UNC80: variants seen among roughly 807,000 people sequenced by gnomAD.
UNC80 encodes unc-80 subunit of NALCN channel complex, also known as protein unc-80 homolog.
UNC80 carries 164 observed loss-of-function variants against 384.6 expected under a neutral mutation model. The ratio of observed to expected loss-of-function variants is 0.43; its 90% CI spans 0.38 to 0.49. The LOEUF is 0.49. Among genes scored for constraint, UNC80 ranks in the 20% least tolerant of loss-of-function variants. The probability of loss-of-function intolerance (pLI) is 0.00; values close to 1 mark genes in which losing one functional copy is unlikely to be tolerated. For synonymous variants in UNC80, 1,486 were observed against 1,527.8 expected (o/e 0.97, Z 0.64); for missense variants, 3,330 against 4,143.0 (o/e 0.80, Z 5.39).
intron 17 of UNC80, 146 bp downstream of exon 17, chr2:209,834,314 G>A: frequency 4.9e-6 from 4 of 822,598 alleles, no homozygotes; most frequent in Non-Finnish European, 1.9e-6. Context: ...CTGGTGTGGT[G>A]TAGCTGCAGC....
rs773131811 is a variant in UNC80 at position 209,995,616 on chromosome 2, G to T, written c.*21G>T. The T allele has an allele frequency of 6.5e-7, 1 of 1,550,186 alleles. No homozygotes were observed. The highest frequency in any genetic ancestry group is 1.2e-5 in the South Asian group (1 of 83,810). On this transcript the variant is annotated 3_prime_UTR_variant, in exon 65 of 65. Coordinates refer to ENST00000673920, the MANE Select transcript of UNC80 (RefSeq NM_001371986.1). ...TTTAATTCTGTATCTTGTAAGCTCT[G>T]CAGGTATAGAGAAGACATGAAAGTG...
At chr2:209,940,635 G>A (rs540605651) in intron 43 of UNC80, among the ~76,000 whole-genome samples, 65 of 152,148 alleles carry the variant, frequency 4.3e-4, no homozygotes, top group African/African-American at 1.5e-3. Context: ...CCAACATGGC[G>A]AAACCCTGTC....
At chr2:209,943,779 T>G (rs1015553711) in intron 45 of UNC80, among the ~76,000 whole-genome samples, 2 of 152,182 alleles carry the variant, frequency 1.3e-5, no homozygotes, top group Admixed American at 6.5e-5. Flanking sequence ...TAGGGGTGTA[T>G]ATTGGGCTTT....
At position 209,948,374 on chromosome 2, in the gene UNC80, T is replaced by C. The variant is rs115002385; in HGVS notation, c.7286+2431T>C. Among the ~76,000 whole-genome samples, 715 of 152,266 alleles carry C rather than the reference T, an allele frequency of 4.7e-3. 7 individuals are homozygous for C. The highest frequency in any genetic ancestry group is 0.016 in the African/African-American group (684 of 41,562). ...TTTTTATTTTAGCTATTTTGTTGGG[T>C]TGTAGTGACATCCATTATCATTTTA... is the stretch of plus-strand genomic sequence containing the variant. On this transcript the variant is annotated intron_variant, in intron 47 of 64. Coordinates refer to ENST00000673920, the MANE Select transcript of UNC80 (RefSeq NM_001371986.1).
chr2:209,994,308 T>G, intron 64 of UNC80, 44 bp downstream of exon 64: 1 of 1,490,490 alleles, frequency 6.7e-7, no homozygotes, highest in East Asian at 2.5e-5. Context: ...CCCTGTGTAC[T>G]TACTTCTAGC....
At chr2:209,880,335 G>A (rs1176476296) in intron 24 of UNC80, among the ~76,000 whole-genome samples, 2 of 152,206 alleles carry the variant, frequency 1.3e-5, no homozygotes, top group East Asian at 3.8e-4. Flanking sequence ...TACATTTCTA[G>A]TATAGCTATG....
chr2:209,811,567 C>T (rs373558504), intron 7 of UNC80, among the ~76,000 whole-genome samples: 12 of 152,228 alleles, frequency 7.9e-5, no homozygotes, highest in Non-Finnish European at 1.2e-4. Context: ...TGTCACAAAA[C>T]GGATGTCCAA....
At chr2:209,866,490 C>CACACACA (rs1559226593) in intron 22 of UNC80, among the ~76,000 whole-genome samples, 50 of 107,600 alleles carry the variant, frequency 4.6e-4, no homozygotes, top group East Asian at 1.2e-3. Flanking sequence ...AAATGCACCC[C>CACACACA]CACACACACA....
At chr2:209,993,956 T>C in intron 63 of UNC80, 109 bp from the exon 64 acceptor site, 1 of 989,836 alleles carries the variant, frequency 1.0e-6, no homozygotes, top group Non-Finnish European at 1.4e-6. Context: ...CCAGCAATGT[T>C]TTTATTTTAA....
At chr2:209,847,961 T>TTAA (rs2082277842) in intron 21 of UNC80, among the ~76,000 whole-genome samples, 1 of 151,936 alleles carries the variant, frequency 6.6e-6, no homozygotes, top group South Asian at 2.1e-4. Flanking sequence ...TAATTCAAAG[T>TTAA]TTAAGGGACT....
At chr2:209,813,931 C>CT (rs1285384830) in intron 8 of UNC80, 90 bp downstream of exon 8, 6 of 1,443,324 alleles carry the variant, frequency 4.2e-6, no homozygotes. Context: ...CTTAGGTACT[C>CT]TAGTGCTGAC....
At chr2:209,901,742 C>A (rs548493967) in intron 28 of UNC80, among the ~76,000 whole-genome samples, 3 of 151,914 alleles carry the variant, frequency 2.0e-5, no homozygotes, top group Non-Finnish European at 4.4e-5. Context: ...CTGGCTAACA[C>A]GGTGAAACCC....
intron 21 of UNC80, among the ~76,000 whole-genome samples, chr2:209,843,846 A>G (rs893652958): frequency 5.3e-5 from 8 of 152,190 alleles, no homozygotes; most frequent in Admixed American, 1.3e-4. Flanking sequence ...GAACTTTCCC[A>G]TATCACTACA....
rs2081610338 is a variant in UNC80 at position 209,839,868 on chromosome 2, G to A, written c.3250+438G>A. Among the ~76,000 whole-genome samples, 1 of 152,174 alleles carries A rather than the reference G, an allele frequency of 6.6e-6. No homozygotes were observed. The highest frequency in any genetic ancestry group is 1.5e-5 in the Non-Finnish European group (1 of 68,036). On this transcript the variant is annotated intron_variant, in intron 19 of 64. Transcript: ENST00000673920. The surrounding 1 kb of genome is among the most constrained non-coding windows in gnomAD (Gnocchi z 4.1). Reference sequence around the variant, plus strand: ...CAGGGAAGGCTTCCTAGTGGTAGTGGCATTAAGATCTCCGGGATACTTGGG... The same window carrying A: ...CAGGGAAGGCTTCCTAGTGGTAGTGACATTAAGATCTCCGGGATACTTGGG...
rs1419380734 is a variant in UNC80, at chr2:209,996,904, GTGTGTA to G, written c.*1315_*1320del. 6.6e-6 allele frequency: 1 copy of G among 152,142 alleles called. No individual in the cohort carries two copies. The highest frequency in any genetic ancestry group is 1.5e-5 in the Non-Finnish European group (1 of 68,016). 9.4% of individuals were successfully genotyped at this position (152,142 alleles called of 1,614,324 possible). On this transcript the variant is annotated 3_prime_UTR_variant, in exon 65 of 65. Coordinates refer to ENST00000673920, the MANE Select transcript of UNC80 (RefSeq NM_001371986.1). ...GTGGTGTATGTGTGCGTGCGTGTGT[GTGTGTA>G]TGTGTTGTAGTCCTCAAGATGAAGT...
chr2:209,776,844 A>C (rs2076893775), intron 3 of UNC80, among the ~76,000 whole-genome samples: 1 of 152,120 alleles, frequency 6.6e-6, no homozygotes, highest in South Asian at 2.1e-4. Context: ...AATGTGTCCT[A>C]CCCATGTACC....
chr2:209,889,541 G>A (rs765731543), intron 26 of UNC80, among the ~76,000 whole-genome samples: 16 of 152,018 alleles, frequency 1.1e-4, no homozygotes, highest in Non-Finnish European at 1.6e-4. Flanking sequence ...TGTGCAGAAC[G>A]TGCATGTTTG....
Position 209,918,549 on chromosome 2 carries a change from C to T in UNC80, c.5229C>T (p.Ile1743=). ...ACTAACAGATTCCGCCTCCCAGTAT[C>T]AATTTCACCCTTCCCTCGCCGGTGC... ...QQIFKIPPPS[I]NFTLPSPVLG... is the part of the protein sequence containing the mutation. Residue 1743 remains isoleucine, a synonymous_variant, in exon 33 of 65, where the codon ATC becomes ATT. Coordinates refer to ENST00000673920, the MANE Select transcript of UNC80 (RefSeq NM_001371986.1). 6.4e-7 allele frequency: 1 copy of T among 1,552,218 alleles called. No individual in the cohort carries two copies. Among genetic ancestry groups the T allele is most frequent in the Non-Finnish European group, 8.7e-7 (1 of 1,147,082 alleles).
chr2:209,817,649 T>C (rs1207233810), intron 10 of UNC80, among the ~76,000 whole-genome samples, 163 bp from the exon 11 acceptor site: 1 of 152,188 alleles, frequency 6.6e-6, no homozygotes. Flanking sequence ...ATCCTGACCC[T>C]GAATATCCCC....
Sources: allele counts gnomAD v4.1 joint callset (sites outside exome capture counted in the v4.1 genomes callset), GRCh38; gene constraint gnomAD v4.1.1; non-coding constraint Gnocchi (gnomAD v3.1); transcripts MANE v1.5; gene names NCBI Gene and HGNC (gene_info 2026-07-23, HGNC 2026-07-21).